Variants in JAM3 observed in about 807,000 individuals in gnomAD.
The protein encoded by JAM3 is junctional adhesion molecule C.
A neutral mutation model predicts 39.4 loss-of-function variants in JAM3; 31 were observed. The observed-to-expected ratio is 0.79, with a 90% CI of 0.59 to 1.06. JAM3 has a LOEUF of 1.06. Among genes scored for constraint, JAM3 ranks in the 50% least tolerant of loss-of-function variants. The probability of loss-of-function intolerance (pLI) is 0.00; values close to 1 mark genes in which losing one functional copy is unlikely to be tolerated. For missense variants in JAM3, 455 were observed against 391.4 expected, an observed-to-expected ratio of 1.16 and a Z score of -1.37; for synonymous variants, 182 against 148.7, an observed-to-expected ratio of 1.22 and a Z score of -1.63.
chr11:134,137,221 GAAAC>G (rs1565502367), intron 1 of JAM3, among the ~76,000 whole-genome samples: 1 of 152,028 alleles, frequency 6.6e-6, no homozygotes, highest in African/African-American at 2.4e-5. Context: ...GAAGTTGTAA[GAAAC>G]AAATTGGTTT....
At chr11:134,142,755 G>T (rs568988558) in intron 3 of JAM3, among the ~76,000 whole-genome samples, 1 of 151,828 alleles carries the variant, frequency 6.6e-6, no homozygotes, top group Admixed American at 6.6e-5. Context: ...GAGAAAGCCC[G>T]TACCCAGCAG....
chr11:134,106,696 GAA>G (rs1942196476), intron 1 of JAM3, among the ~76,000 whole-genome samples: 1 of 152,182 alleles, frequency 6.6e-6, no homozygotes, highest in African/African-American at 2.4e-5. Flanking sequence ...CTTCTCAAAA[GAA>G]AACATTTATG....
At chr11:134,107,163 T>A (rs1295602980) in intron 1 of JAM3, among the ~76,000 whole-genome samples, 1 of 152,198 alleles carries the variant, frequency 6.6e-6, no homozygotes, top group East Asian at 1.9e-4. Context: ...TAAAAAATGA[T>A]GAGTTCATGT....
intron 1 of JAM3, among the ~76,000 whole-genome samples, chr11:134,109,016 G>C (rs1177844338): frequency 6.6e-6 from 1 of 152,098 alleles, no homozygotes; most frequent in Non-Finnish European, 1.5e-5. Context: ...GAGTACAGTG[G>C]CACAATCTCA....
intron 1 of JAM3, among the ~76,000 whole-genome samples, chr11:134,102,389 G>A (rs1039509954): frequency 1.3e-5 from 2 of 152,114 alleles, no homozygotes; most frequent in Non-Finnish European, 2.9e-5. Flanking sequence ...AGGACCAAAG[G>A]TAGATAAAAC....
At chr11:134,120,023 G>C (rs374096016) in intron 1 of JAM3, among the ~76,000 whole-genome samples, 1 of 152,112 alleles carries the variant, frequency 6.6e-6, no homozygotes, top group Non-Finnish European at 1.5e-5. Context: ...ATGCTGATAT[G>C]TGTTCTTTAT....
At chr11:134,128,893 C>T (rs1385006155) in intron 1 of JAM3, among the ~76,000 whole-genome samples, 3 of 152,118 alleles carry the variant, frequency 2.0e-5, no homozygotes, top group African/African-American at 7.2e-5. Flanking sequence ...TTCCATTCCC[C>T]TCTGTATTAG....
At chr11:134,069,204 C>T (rs781336106) in intron 1 of JAM3, 45 bp downstream of exon 1, 12 of 1,598,834 alleles carry the variant, frequency 7.5e-6, no homozygotes, top group Non-Finnish European at 9.4e-6. Flanking sequence ...GGTCTGGGGG[C>T]GACGGAAGCA....
At chr11:134,116,313 C>G (rs1444515039) in intron 1 of JAM3, among the ~76,000 whole-genome samples, 1 of 152,100 alleles carries the variant, frequency 6.6e-6, no homozygotes, top group African/African-American at 2.4e-5. Flanking sequence ...CTATGGTGTT[C>G]TAATGATTAT....
At chr11:134,082,750 A>G (rs1203342668) in intron 1 of JAM3, among the ~76,000 whole-genome samples, 1 of 152,138 alleles carries the variant, frequency 6.6e-6, no homozygotes, top group Non-Finnish European at 1.5e-5. Context: ...GGACTAATAC[A>G]ATGCATATAC....
chr11:134,088,022 T>C (rs1941772797), intron 1 of JAM3, among the ~76,000 whole-genome samples: 2 of 152,348 alleles, frequency 1.3e-5, no homozygotes, highest in South Asian at 4.1e-4. Flanking sequence ...TGGGTGGCAG[T>C]ATCCCAGTTG....
intron 1 of JAM3, among the ~76,000 whole-genome samples, chr11:134,089,325 T>A (rs1385744027): frequency 6.6e-6 from 1 of 152,176 alleles, no homozygotes. Context: ...CTTTTTTTTA[T>A]TATACTTTAA....
At position 134,148,810 on chromosome 11, in the gene JAM3, G is replaced by A. The variant is rs150029724; in HGVS notation, c.889G>A (p.Asp297Asn). Residue 297 changes from aspartate (D) to asparagine (N), a missense_variant, in exon 8 of 9, where the codon GAC becomes AAC. Transcript: ENST00000299106. ...KPDGVNYIRT[D>N]EEGDFRHKSS... ...AGATGGAGTTAACTACATCCGCACT[G>A]ACGAGGAGGTAATCATTTAGTAAAC... 3 of 1,614,082 alleles carry A rather than the reference G, an allele frequency of 1.9e-6. No homozygotes were observed. Among genetic ancestry groups the A allele is most frequent in the East Asian group, 2.2e-5 (1 of 44,878 alleles).
intron 1 of JAM3, among the ~76,000 whole-genome samples, chr11:134,102,213 G>A (rs553524961): frequency 2.6e-5 from 4 of 152,270 alleles, no homozygotes; most frequent in East Asian, 1.9e-4. Context: ...AGCAGTATTC[G>A]CTGTCCTGCA....
chr11:134,122,194 T>C (rs1184000663), intron 1 of JAM3, among the ~76,000 whole-genome samples: 1 of 152,166 alleles, frequency 6.6e-6, no homozygotes, highest in Non-Finnish European at 1.5e-5. Flanking sequence ...ATTTGAGGTA[T>C]CATCAGTGTG....
intron 1 of JAM3, among the ~76,000 whole-genome samples, chr11:134,087,246 TA>T (rs1941760363): frequency 6.6e-6 from 1 of 152,142 alleles, no homozygotes; most frequent in African/African-American, 2.4e-5. Flanking sequence ...TTTTGCATAT[TA>T]GGAAAAAGTA....
Position 134,149,346 on chromosome 11 carries a change from C to A in JAM3, c.*165C>A. The A allele has an allele frequency of 1.3e-6, 1 of 744,756 alleles. No individual in the cohort carries two copies. Among genetic ancestry groups the A allele is most frequent in the Non-Finnish European group, 2.3e-6 (1 of 438,278 alleles). The allele number at this position is 744,756 out of a possible 1,614,324, so 46.1% of individuals were successfully genotyped here. The stretch of plus-strand genomic sequence containing the variant: ...CCACTACTCTTCTTACTCTAACAAG[C>A]CACATGAATAGAAGAATTTTCCTCA... On this transcript the variant is annotated 3_prime_UTR_variant, in exon 9 of 9. Transcript: ENST00000299106.
chr11:134,111,143 T>C (rs1942301092), intron 1 of JAM3, among the ~76,000 whole-genome samples: 2 of 82,482 alleles, frequency 2.4e-5, no homozygotes, highest in South Asian at 4.4e-4. Flanking sequence ...CTTTTTTTTT[T>C]TTTTTTTTTT....
At position 134,149,817 on chromosome 11, in the gene JAM3, C is replaced by G; in HGVS notation, c.*636C>G. 1 of 374,134 alleles carries G rather than the reference C, an allele frequency of 2.7e-6. No homozygotes were observed. The highest frequency in any genetic ancestry group is 2.0e-5 in the South Asian group (1 of 48,894). The allele number at this position is 374,134 out of a possible 1,614,324, so 23.2% of individuals were successfully genotyped here. ...GAGGGATCTTGCCTGAGGAACCCTG[C>G]TTGTCCAACAGGGTGTCAGGATTTA... On this transcript the variant is annotated 3_prime_UTR_variant, in exon 9 of 9. Coordinates refer to ENST00000299106, the MANE Select transcript of JAM3 (RefSeq NM_032801.5).
Sources: allele counts gnomAD v4.1 joint callset (sites outside exome capture counted in the v4.1 genomes callset), GRCh38; gene constraint gnomAD v4.1.1; transcripts MANE v1.5; gene names NCBI Gene and HGNC (gene_info 2026-07-23, HGNC 2026-07-21).